The following KLHL32 variants were observed in gnomAD, a reference collection of about 807,000 sequenced individuals.
KLHL32 encodes kelch-like protein 32.
In KLHL32, 35 loss-of-function variants were observed where a neutral mutation model predicts 64.8. That is an observed-to-expected ratio of 0.54 (90% CI 0.41 to 0.72). The LOEUF is 0.72. Ranked by LOEUF, KLHL32 falls within the 30% of genes least tolerant of loss-of-function variation. The pLI is 0.00. For synonymous variants in KLHL32, 259 were observed against 281.0 expected (o/e 0.92, Z 0.78); for missense variants, 589 against 768.5 (o/e 0.77, Z 2.76).
At chr6:97,002,521 T>C (rs2128080000) in intron 3 of KLHL32, among the ~76,000 whole-genome samples, 2 of 152,340 alleles carry the variant, frequency 1.3e-5, no homozygotes, top group Middle Eastern at 6.8e-3. Context: ...AGGTTTGTTA[T>C]ATAGGTAAAT....
intron 3 of KLHL32, among the ~76,000 whole-genome samples, chr6:97,005,341 C>A (rs1779536548): frequency 6.6e-6 from 1 of 151,802 alleles, no homozygotes; most frequent in Admixed American, 6.6e-5. Flanking sequence ...TTTGTCATTT[C>A]TGTTTGTGTT....
At chr6:96,987,904 A>G (rs1486827040) in intron 3 of KLHL32, among the ~76,000 whole-genome samples, 20 of 152,386 alleles carry the variant, frequency 1.3e-4, no homozygotes, top group Admixed American at 3.9e-4. Flanking sequence ...AGCCATATGT[A>G]GAAAGCTGAA....
the KLHL32 span, among the ~76,000 whole-genome samples, chr6:96,900,581 A>G: frequency 1.5e-3 from 227 of 152,340 alleles, no homozygotes; most frequent in African/African-American, 5.2e-3. Flanking sequence ...TGTGCCTGAC[A>G]TTGGCCACAG....
intron 3 of KLHL32, among the ~76,000 whole-genome samples, chr6:97,002,653 G>C (rs986744290): frequency 6.6e-6 from 1 of 152,102 alleles, no homozygotes; most frequent in Non-Finnish European, 1.5e-5. Flanking sequence ...AGGCCCCACT[G>C]TCTATTGTTC....
chr6:97,030,330 A>G (rs1582775141), intron 3 of KLHL32, among the ~76,000 whole-genome samples: 1 of 152,258 alleles, frequency 6.6e-6, no homozygotes, highest in Admixed American at 6.5e-5. Flanking sequence ...GACAAGTAAC[A>G]TGACTCAAGA....
At chr6:96,947,589 A>G (rs1772075984) in intron 1 of KLHL32, among the ~76,000 whole-genome samples, 1 of 152,166 alleles carries the variant, frequency 6.6e-6, no homozygotes, top group South Asian at 2.1e-4. Flanking sequence ...TTAATGGCAT[A>G]CCTCAATATA....
At chr6:97,117,171 G>A (rs1264671495) in intron 7 of KLHL32, among the ~76,000 whole-genome samples, 1 of 152,176 alleles carries the variant, frequency 6.6e-6, no homozygotes, top group Non-Finnish European at 1.5e-5. Context: ...CAAAAATACA[G>A]GTATAGTTCA....
intron 7 of KLHL32, among the ~76,000 whole-genome samples, chr6:97,126,704 T>C (rs1426060577): frequency 1.3e-5 from 2 of 152,204 alleles, no homozygotes; most frequent in African/African-American, 4.8e-5. Context: ...ATACACTGGC[T>C]TTTGAAGACT....
At chr6:97,075,415 A>G (rs368545421) in intron 5 of KLHL32, among the ~76,000 whole-genome samples, 1 of 152,082 alleles carries the variant, frequency 6.6e-6, no homozygotes, top group Middle Eastern at 3.2e-3. Context: ...TTATTTTATC[A>G]TATTACAAGT....
At chr6:96,919,159 G>T in the KLHL32 span, among the ~76,000 whole-genome samples, 1 of 152,280 alleles carries the variant, frequency 6.6e-6, no homozygotes, top group South Asian at 2.1e-4. Flanking sequence ...CAAAAAGCTT[G>T]CATATTCAGG....
Position 97,114,159 on chromosome 6 carries a change from G to T in KLHL32, c.1004G>T (p.Gly335Val), listed in dbSNP as rs1562353209. 1 of 1,614,184 alleles carries T rather than the reference G, an allele frequency of 6.2e-7. No individual in the cohort carries two copies. Among genetic ancestry groups the T allele is most frequent in the South Asian group, 1.1e-5 (1 of 91,082 alleles). Residue 335 changes from glycine (G) to valine (V), a missense_variant, in exon 7 of 11, where the codon GGA becomes GTA. Gly to Val is a moderately radical substitution (Grantham distance 109, BLOSUM62 -3). Transcript: ENST00000369261. Reference sequence around the variant, plus strand: ...AGTGAGCTGGCTCCCATGCCTGTGGGAAGGAGCCACCATTGTGTGGCAGTC... The same window carrying T: ...AGTGAGCTGGCTCCCATGCCTGTGGTAAGGAGCCACCATTGTGTGGCAGTC... ...NWSELAPMPVGRSHHCVAVMG... is the reference protein window; with the variant it reads ...NWSELAPMPVVRSHHCVAVMG...
intron 4 of KLHL32, among the ~76,000 whole-genome samples, chr6:97,044,696 A>G (rs1785653606): frequency 6.6e-6 from 1 of 152,004 alleles, no homozygotes; most frequent in Non-Finnish European, 1.5e-5. Flanking sequence ...CTTACTTGCT[A>G]TTGGTCTGTT....
At position 97,085,143 on chromosome 6, in the gene KLHL32, T is replaced by C. The variant is rs1793201191; in HGVS notation, c.429T>C (p.Asn143=). 6.2e-7 allele frequency: 1 copy of C among 1,613,354 alleles called. No homozygotes were observed. Among genetic ancestry groups the C allele is most frequent in the Non-Finnish European group, 8.5e-7 (1 of 1,179,758 alleles). ...HYLIQELNSF[N]YLDLYRLADL... is the part of the protein sequence containing the mutation. ...GCACCCAGGAATTAAATAGCTTTAATTACTTGGATCTGTACAGACTTGCTG... is the reference window on the plus strand; with the variant it reads ...GCACCCAGGAATTAAATAGCTTTAACTACTTGGATCTGTACAGACTTGCTG... Residue 143 remains asparagine (N), a synonymous_variant, in exon 6 of 11, where the codon AAT becomes AAC. Transcript: ENST00000369261.
chr6:96,908,309 A>G, the KLHL32 span, among the ~76,000 whole-genome samples: 1 of 152,236 alleles, frequency 6.6e-6, no homozygotes, highest in Admixed American at 6.5e-5. Flanking sequence ...ACTCCTAGAA[A>G]AGAAACATAC....
chr6:96,955,965 C>T (rs1773209425), intron 1 of KLHL32, among the ~76,000 whole-genome samples: 1 of 152,010 alleles, frequency 6.6e-6, no homozygotes, highest in Non-Finnish European at 1.5e-5. Context: ...AAAATATACC[C>T]AAGTCTGGGC....
intron 7 of KLHL32, among the ~76,000 whole-genome samples, chr6:97,116,396 A>G (rs1797811730): frequency 1.3e-5 from 2 of 152,148 alleles, no homozygotes; most frequent in African/African-American, 4.8e-5. Context: ...TAACAGAAGG[A>G]ACAGATCTGT....
chr6:96,981,745 G>T (rs1394830795), intron 3 of KLHL32, among the ~76,000 whole-genome samples: 1 of 152,016 alleles, frequency 6.6e-6, no homozygotes, highest in Non-Finnish European at 1.5e-5. Flanking sequence ...ATGCTCATGT[G>T]TTGTATCTTT....
chr6:97,003,549 G>A (rs1302434041), intron 3 of KLHL32, among the ~76,000 whole-genome samples: 2 of 152,084 alleles, frequency 1.3e-5, no homozygotes, highest in Non-Finnish European at 2.9e-5. Flanking sequence ...CGGCATCTTT[G>A]TCATGAAATG....
At position 96,930,356 on chromosome 6, in the gene KLHL32, C is replaced by G. The variant is rs1174175879; in HGVS notation, c.-66+5330C>G. On this transcript the variant is annotated intron_variant, in intron 1 of 10. Coordinates refer to ENST00000369261, the MANE Select transcript of KLHL32 (RefSeq NM_052904.4). The stretch of plus-strand genomic sequence containing the variant: ...GAGCCTTGGAGCCTGGATTTGAATA[C>G]TAAATCTGATACTTCTTGGTTCTGT... Among the ~76,000 whole-genome samples the G allele has an allele frequency of 1.3e-5, 2 of 152,190 alleles. 1 individual carries two copies. The highest frequency in any genetic ancestry group is 2.9e-5 in the Non-Finnish European group (2 of 68,036).
Sources: allele counts gnomAD v4.1 joint callset (sites outside exome capture counted in the v4.1 genomes callset), GRCh38; gene constraint gnomAD v4.1.1; transcripts MANE v1.5; gene names NCBI Gene and HGNC (gene_info 2026-07-23, HGNC 2026-07-21).